The following KIDINS220 variants were observed in gnomAD, a reference collection of about 807,000 sequenced individuals.
KIDINS220 encodes kinase D interacting substrate 220.
Under a neutral mutation model 157.6 loss-of-function variants are expected in KIDINS220, and 63 were observed. That is an observed-to-expected ratio of 0.40 (90% CI 0.33 to 0.49). The LOEUF is 0.49. Among genes scored for constraint, KIDINS220 ranks in the 20% least tolerant of loss-of-function variants. KIDINS220 has a pLI of 0.66. For synonymous variants in KIDINS220, 732 were observed against 783.6 expected, an observed-to-expected ratio of 0.93 and a Z score of 1.10; for missense variants, 1,772 against 2,171.2, an observed-to-expected ratio of 0.82 and a Z score of 3.65.
chr2:8,787,910 G>T (rs2148257521), intron 15 of KIDINS220, among the ~76,000 whole-genome samples: 1 of 152,220 alleles, frequency 6.6e-6, no homozygotes, highest in African/African-American at 2.4e-5. Context: ...AGAGAGGGGA[G>T]CTGGGTTTCC....
chr2:8,731,576 C>A lies in KIDINS220; in HGVS notation c.4460G>T (p.Gly1487Val). The A allele has an allele frequency of 6.2e-7, 1 of 1,614,118 alleles. No individual in the cohort carries two copies. Among genetic ancestry groups the A allele is most frequent in the African/African-American group, 1.3e-5 (1 of 75,044 alleles). ...TEEDEKSDQS[G>V]SKLLPGKKSS... is the part of the protein sequence containing the mutation. ...TTTCTTGCCTGGGAGAAGCTTACTG[C>A]CTGACTGATCTGATTTTTCATCTTC... The change falls in exon 30 of 30, where the codon GGC becomes GTC. Residue 1487 changes from glycine to valine, a missense_variant. Physicochemically the swap from Gly to Val is moderately radical, Grantham distance 109. This residue lies in a region of KIDINS220 where 793 missense variants were observed against 885.5 expected (regional missense o/e 0.90). Coordinates refer to ENST00000256707, the MANE Select transcript of KIDINS220 (RefSeq NM_020738.4). The surrounding 1 kb of genome is among the most constrained non-coding windows in gnomAD (Gnocchi z 5.2).
chr2:8,747,029 C>A, intron 26 of KIDINS220, 116 bp downstream of exon 26: 1 of 847,024 alleles, frequency 1.2e-6, no homozygotes, highest in Non-Finnish European at 2.0e-6. Context: ...ACACTAGCTG[C>A]TCATCACACC....
At chr2:8,791,258 C>G in intron 12 of KIDINS220, 34 bp from the exon 13 acceptor site, 6 of 1,548,274 alleles carry the variant, frequency 3.9e-6, no homozygotes, top group Non-Finnish European at 5.3e-6. Context: ...TTACATTAAA[C>G]AGTGGCATTA....
At chr2:8,773,929 T>C (rs1360254297) in intron 21 of KIDINS220, among the ~76,000 whole-genome samples, 1 of 152,210 alleles carries the variant, frequency 6.6e-6, no homozygotes, top group Non-Finnish European at 1.5e-5. Context: ...TAAAACTCAG[T>C]TCCCACTTCA....
At chr2:8,763,797 T>C (rs1254633433) in intron 22 of KIDINS220, among the ~76,000 whole-genome samples, 1 of 152,090 alleles carries the variant, frequency 6.6e-6, no homozygotes, top group Non-Finnish European at 1.5e-5. Context: ...TCCACCAGAA[T>C]GTAAATTAGT....
At chr2:8,784,349 C>T (rs968938637) in intron 17 of KIDINS220, among the ~76,000 whole-genome samples, 1 of 151,936 alleles carries the variant, frequency 6.6e-6, no homozygotes, top group Non-Finnish European at 1.5e-5. Flanking sequence ...TCTAGGTGAC[C>T]GTAGGTTTGG....
chr2:8,820,136 C>T (rs1167420768), intron 2 of KIDINS220, among the ~76,000 whole-genome samples: 1 of 152,196 alleles, frequency 6.6e-6, no homozygotes, highest in Admixed American at 6.5e-5. Flanking sequence ...CGGAGCAGGG[C>T]ATGCCTGGCC....
At chr2:8,812,561 G>A (rs1676476602) in intron 5 of KIDINS220, 68 bp from the exon 6 acceptor site, 4 of 758,432 alleles carry the variant, frequency 5.3e-6, no homozygotes, top group Admixed American at 3.0e-5. Flanking sequence ...AAAGGAAGGA[G>A]GGAGGGAGGG....
At chr2:8,773,449 G>A (rs925403459) in intron 21 of KIDINS220, among the ~76,000 whole-genome samples, 4 of 151,440 alleles carry the variant, frequency 2.6e-5, no homozygotes, top group Non-Finnish European at 5.9e-5. Flanking sequence ...AAGCCTCAAA[G>A]TGAACTACCC....
In KIDINS220 at chr2:8,748,552, C is replaced by T. The variant is rs186327294; in HGVS notation, c.3415-552G>A. 3.6e-4 allele frequency among the ~76,000 whole-genome samples: 54 copies of T among 152,082 alleles called. No individual in the cohort carries two copies. The East Asian group carries it at 9.5e-3, about 27-fold the overall frequency. Reference sequence around the variant, plus strand: ...AAGCAAGCATATTTTTTTTAAAAAACGTGGGGAATCCACTGTTTATGTGAG... The same window carrying T: ...AAGCAAGCATATTTTTTTTAAAAAATGTGGGGAATCCACTGTTTATGTGAG... On this transcript the variant is annotated intron_variant, in intron 24 of 29. Coordinates refer to ENST00000256707, the MANE Select transcript of KIDINS220 (RefSeq NM_020738.4).
rs1314045879 is a variant in KIDINS220, at chr2:8,730,263, G to T, written c.*457C>A. The T allele has an allele frequency of 3.0e-6, 3 of 993,534 alleles. No individual in the cohort carries two copies. The highest frequency in any genetic ancestry group is 3.6e-6 in the Non-Finnish European group (3 of 835,570). 61.5% of individuals were successfully genotyped at this position (993,534 alleles called of 1,614,324 possible). A position where few individuals can be genotyped will look rare whatever the true frequency, so the allele number is the denominator to read the frequency against. The stretch of plus-strand genomic sequence containing the variant: ...CTCTCCCTGTAGCGTCACAGGCTGT[G>T]CACTCACCTAGGTGAGCCCCTAAGA... On this transcript the variant is annotated 3_prime_UTR_variant, in exon 30 of 30. Transcript: ENST00000256707.
intron 22 of KIDINS220, among the ~76,000 whole-genome samples, chr2:8,766,757 T>TA (rs926912729): frequency 6.6e-5 from 10 of 151,946 alleles, no homozygotes; most frequent in African/African-American, 1.9e-4. Flanking sequence ...ATAGGTAAAC[T>TA]AAAAAAAAGC....
chr2:8,726,638 C>T (rs1250966603), downstream of KIDINS220, among the ~76,000 whole-genome samples: 1 of 152,204 alleles, frequency 6.6e-6, no homozygotes, highest in Non-Finnish European at 1.5e-5. Context: ...TAGATGGTGG[C>T]ACCCACTACA....
chr2:8,722,340 A>T (rs1277663782), downstream of KIDINS220: 1 of 152,256 alleles, frequency 6.6e-6, no homozygotes, highest in Non-Finnish European at 1.5e-5. Flanking sequence ...GTTTAAGAAC[A>T]AATATGCAGA....
intron 24 of KIDINS220, among the ~76,000 whole-genome samples, chr2:8,748,954 T>G (rs1246825933): frequency 6.6e-6 from 1 of 152,214 alleles, no homozygotes; most frequent in Non-Finnish European, 1.5e-5. Flanking sequence ...AATTTTCAGT[T>G]GGTATCAACG....
intron 22 of KIDINS220, among the ~76,000 whole-genome samples, chr2:8,754,255 C>G (rs1188152817): frequency 6.6e-6 from 1 of 152,196 alleles, no homozygotes; most frequent in Non-Finnish European, 1.5e-5. Context: ...GTTCACAAGC[C>G]AACAGGCTAC....
chr2:8,750,058 T>G, intron 24 of KIDINS220, 54 bp downstream of exon 24: 1 of 1,480,630 alleles, frequency 6.8e-7, no homozygotes, highest in Non-Finnish European at 9.3e-7. Flanking sequence ...AGCAGAAAAC[T>G]GAGGTTTCCC....
chr2:8,739,687 T>C (rs543616510), intron 26 of KIDINS220, among the ~76,000 whole-genome samples: 1 of 152,360 alleles, frequency 6.6e-6, no homozygotes, highest in Admixed American at 6.5e-5. Flanking sequence ...TTAATGTTTA[T>C]CATGCATTCT....
In KIDINS220 at chr2:8,750,165, G is replaced by C; in HGVS notation, c.3361C>G (p.His1121Asp). The C allele has an allele frequency of 6.2e-7, 1 of 1,614,202 alleles. No homozygotes were observed. The highest frequency in any genetic ancestry group is 8.5e-7 in the Non-Finnish European group (1 of 1,180,020). The part of the protein sequence containing the change: ...FAGGVVSPQP[H>D]SSYYSGMTGP... Reference sequence around the variant, plus strand: ...GTCATGCCGCTGTAATAGCTGCTGTGAGGCTGTGGTGACACCACTCCACCT... The same window carrying C: ...GTCATGCCGCTGTAATAGCTGCTGTCAGGCTGTGGTGACACCACTCCACCT... The change falls in exon 24 of 30, where the codon CAC becomes GAC. Residue 1121 changes from histidine (H) to aspartate (D), a missense_variant. Around this residue, in one of 3 missense-constraint regions of KIDINS220, gnomAD observed 793 missense variants for 885.5 expected, o/e 0.90. Coordinates refer to ENST00000256707, the MANE Select transcript of KIDINS220 (RefSeq NM_020738.4).
Sources: gnomAD v4.1 joint callset for allele counts (sites outside exome capture counted in the v4.1 genomes callset) on GRCh38, gnomAD v4.1.1 for gene constraint, gnomAD v4.1.1 regional missense constraint, Gnocchi (gnomAD v3.1) non-coding constraint, MANE v1.5 for transcripts, NCBI Gene and HGNC (gene_info 2026-07-23, HGNC 2026-07-21) for gene names.